The following NALF1 variants were observed in gnomAD, a reference collection of about 807,000 sequenced individuals.
NALF1 encodes the protein family with sequence similarity 155 member A.
Under a neutral mutation model 48.4 loss-of-function variants are expected in NALF1, and 3 were observed. The ratio of observed to expected loss-of-function variants is 0.06; its 90% confidence interval spans 0.03 to 0.16. NALF1 has a LOEUF of 0.16. Among genes scored for constraint, NALF1 ranks in the 10% least tolerant of loss-of-function variants. NALF1 has a pLI of 1.00. For synonymous variants in NALF1, 262 were observed against 245.7 expected (o/e 1.07, Z -0.62); for missense variants, 526 against 571.5 (o/e 0.92, Z 0.81).
intron 1 of NALF1, among the ~76,000 whole-genome samples, chr13:107,575,009 G>A (rs1443216424): frequency 6.6e-6 from 1 of 152,070 alleles, no homozygotes; most frequent in Non-Finnish European, 1.5e-5. Context: ...CTGGATGCAT[G>A]CCATAATATA....
At chr13:107,826,091 C>G in intron 1 of NALF1, among the ~76,000 whole-genome samples, 1 of 152,040 alleles carries the variant, frequency 6.6e-6, no homozygotes, top group Non-Finnish European at 1.5e-5. Flanking sequence ...ATAACGAGTA[C>G]TATTTCTTAA....
chr13:107,228,646 G>A lies in NALF1; in HGVS notation c.916-17891C>T, dbSNP rs1048937334. On this transcript the variant is annotated intron_variant, in intron 1 of 2. Coordinates refer to ENST00000375915, the MANE Select transcript of NALF1 (RefSeq NM_001080396.3). The stretch of plus-strand genomic sequence containing the variant: ...GGTAATTCTTTTTTTTGGAGACAGA[G>A]TCTCGCTCTGTTGCCTAGGGTGGAG... 2.0e-5 allele frequency among the ~76,000 whole-genome samples: 3 copies of A among 152,092 alleles called. 1 individual carries two copies. Among genetic ancestry groups the A allele is most frequent in the Non-Finnish European group, 1.5e-5 (1 of 68,030 alleles).
chr13:107,724,263 T>A (rs567633990), intron 1 of NALF1, among the ~76,000 whole-genome samples: 2 of 152,278 alleles, frequency 1.3e-5, no homozygotes, highest in East Asian at 3.9e-4. Flanking sequence ...TTCACTTTTA[T>A]TGTTCCTACT....
chr13:107,639,738 G>A (rs377522395), intron 1 of NALF1, among the ~76,000 whole-genome samples: 58 of 152,206 alleles, frequency 3.8e-4, no homozygotes, highest in African/African-American at 1.4e-3. Context: ...CAGGCATGAT[G>A]CCATGCCTGA....
intron 1 of NALF1, among the ~76,000 whole-genome samples, chr13:107,672,860 A>G (rs537855189): frequency 6.0e-4 from 91 of 152,218 alleles, no homozygotes; most frequent in African/African-American, 2.0e-3. Flanking sequence ...CACGATGCTC[A>G]TCAATGTTTG....
chr13:107,379,438 T>C (rs1200965333), intron 1 of NALF1, among the ~76,000 whole-genome samples: 1 of 152,196 alleles, frequency 6.6e-6, no homozygotes, highest in Non-Finnish European at 1.5e-5. Context: ...AATTTACTAA[T>C]AGGATGTTTC....
At chr13:107,485,025 G>T (rs949018894) in intron 1 of NALF1, among the ~76,000 whole-genome samples, 1 of 152,060 alleles carries the variant, frequency 6.6e-6, no homozygotes, top group African/African-American at 2.4e-5. Context: ...AACCTCACAG[G>T]ACATGATAGC....
intron 1 of NALF1, among the ~76,000 whole-genome samples, chr13:107,431,934 G>A (rs973836290): frequency 2.0e-5 from 3 of 152,066 alleles, no homozygotes; most frequent in Admixed American, 2.0e-4. Context: ...GAACATGAGG[G>A]ACCACTTCAT....
chr13:107,487,633 T>C (rs1885350458), intron 1 of NALF1, among the ~76,000 whole-genome samples: 1 of 152,204 alleles, frequency 6.6e-6, no homozygotes. Context: ...TGAAGCCTAC[T>C]TGATCATGGT....
chr13:107,721,234 T>A (rs1020337276), intron 1 of NALF1, among the ~76,000 whole-genome samples: 1 of 152,096 alleles, frequency 6.6e-6, no homozygotes, highest in African/African-American at 2.4e-5. Flanking sequence ...CACCAAATTG[T>A]ATGAAATGAA....
At chr13:107,302,434 C>A (rs1161561564) in intron 1 of NALF1, among the ~76,000 whole-genome samples, 1 of 152,054 alleles carries the variant, frequency 6.6e-6, no homozygotes, top group African/African-American at 2.4e-5. Flanking sequence ...CCCTTCATTT[C>A]AAAATTTTTT....
At chr13:107,432,970 CCCTTA>C (rs1566340245) in intron 1 of NALF1, among the ~76,000 whole-genome samples, 1 of 152,130 alleles carries the variant, frequency 6.6e-6, no homozygotes. Flanking sequence ...CCCAGGGAGT[CCCTTA>C]AATCCACACC....
chr13:107,361,579 G>C (rs996842307), intron 1 of NALF1, among the ~76,000 whole-genome samples: 1 of 152,174 alleles, frequency 6.6e-6, no homozygotes, highest in African/African-American at 2.4e-5. Flanking sequence ...AGAAAAGCTA[G>C]AGAAGAAATA....
chr13:107,347,259 T>G (rs575565441), intron 1 of NALF1, among the ~76,000 whole-genome samples: 1 of 152,330 alleles, frequency 6.6e-6, no homozygotes, highest in East Asian at 1.9e-4. Flanking sequence ...TGGGGTCACA[T>G]CATCACTCTG....
rs924126048 is a variant in NALF1 at position 107,307,669 on chromosome 13, A to G, written c.916-96914T>C. On this transcript the variant is annotated intron_variant, in intron 1 of 2. Coordinates refer to ENST00000375915, the MANE Select transcript of NALF1 (RefSeq NM_001080396.3). ...AAAAAAAAAAAAACTTGCTGGTGCTATAATGGCATTGAAATGGATAACAGA... is the reference window on the plus strand; with the variant it reads ...AAAAAAAAAAAAACTTGCTGGTGCTGTAATGGCATTGAAATGGATAACAGA... 4.0e-5 allele frequency among the ~76,000 whole-genome samples: 6 copies of G among 148,586 alleles called. No individual in the cohort carries two copies. The Admixed American group carries it at 4.1e-4, about 10-fold the overall frequency.
chr13:107,500,848 G>A (rs1328006002), intron 1 of NALF1, among the ~76,000 whole-genome samples: 12 of 151,508 alleles, frequency 7.9e-5, no homozygotes, highest in African/African-American at 2.2e-4. Context: ...GCAAACTATT[G>A]CAAGAACAAA....
chr13:107,750,523 A>T (rs1258800097), intron 1 of NALF1, among the ~76,000 whole-genome samples: 1 of 152,118 alleles, frequency 6.6e-6, no homozygotes, highest in Non-Finnish European at 1.5e-5. Context: ...TTTTTAAAAG[A>T]TTGAGAAAGA....
At chr13:107,229,127 G>A (rs1344348776) in intron 1 of NALF1, among the ~76,000 whole-genome samples, 2 of 152,016 alleles carry the variant, frequency 1.3e-5, no homozygotes, top group Non-Finnish European at 2.9e-5. Flanking sequence ...ACTTGAACTA[G>A]CAGTATCTCA....
At chr13:107,659,173 C>T (rs760810816) in intron 1 of NALF1, among the ~76,000 whole-genome samples, 5 of 151,716 alleles carry the variant, frequency 3.3e-5, no homozygotes, top group Non-Finnish European at 7.4e-5. Flanking sequence ...CTAATGCAGC[C>T]TCTTCATTGT....
Sources: gnomAD v4.1 joint callset for allele counts (sites outside exome capture counted in the v4.1 genomes callset) on GRCh38, gnomAD v4.1.1 for gene constraint, MANE v1.5 for transcripts, NCBI Gene and HGNC (gene_info 2026-07-23, HGNC 2026-07-21) for gene names.